ARHGAP44: variants seen among roughly 807,000 people sequenced by gnomAD.
The protein encoded by ARHGAP44 is rho GTPase-activating protein 44.
In ARHGAP44, 43 loss-of-function variants were observed where a neutral mutation model predicts 106.8. That is an observed-to-expected ratio of 0.40 (90% confidence interval 0.32 to 0.52). The LOEUF (loss-of-function observed/expected upper bound fraction) is 0.52. ARHGAP44 is among the 20% of genes least tolerant of loss of function. The pLI, the probability that ARHGAP44 is intolerant of heterozygous loss-of-function variation, is 0.48. For synonymous variants in ARHGAP44, 439 were observed against 410.3 expected (o/e 1.07, Z -0.85); for missense variants, 866 against 1,050.5 (o/e 0.82, Z 2.43).
At chr17:12,963,046 C>CAAAAAAA (rs71369355) in intron 16 of ARHGAP44, among the ~76,000 whole-genome samples, 13 of 70,950 alleles carry the variant, frequency 1.8e-4, no homozygotes, top group African/African-American at 2.6e-4. Context: ...AACACCATCT[C>CAAAAAAA]AAAAAAAAAA....
intron 3 of ARHGAP44, among the ~76,000 whole-genome samples, chr17:12,903,083 TGAGAGAGAGAGAGAGAGAGAGAGA>T (rs67363604): frequency 1.1e-4 from 8 of 70,112 alleles, no homozygotes; most frequent in Non-Finnish European, 1.9e-4. Context: ...AGGGAATATA[TGAGAGAGAGAGAGAGAGAGAGAGA>T]GAGAGAGAGA....
intron 1 of ARHGAP44, among the ~76,000 whole-genome samples, chr17:12,830,120 A>G (rs2035040816): frequency 6.6e-6 from 1 of 152,202 alleles, no homozygotes; most frequent in East Asian, 1.9e-4. Context: ...TTGGGATTGC[A>G]AGGGGATTGA....
chr17:12,952,086 T>C (rs749433737), intron 12 of ARHGAP44, among the ~76,000 whole-genome samples: 7 of 152,172 alleles, frequency 4.6e-5, no homozygotes, highest in Non-Finnish European at 1.0e-4. Flanking sequence ...CAGTGCAAGA[T>C]AGCCGGAAAC....
chr17:12,868,591 TTATATATATATATATATA>T (rs1209692482), intron 1 of ARHGAP44, among the ~76,000 whole-genome samples: 19 of 47,156 alleles, frequency 4.0e-4, no homozygotes, highest in Admixed American at 1.2e-3. Flanking sequence ...TATATGCATT[TTATATATATATATATATA>T]TATATATATA....
At chr17:12,885,631 C>G (rs1231587432) in intron 1 of ARHGAP44, among the ~76,000 whole-genome samples, 1 of 152,064 alleles carries the variant, frequency 6.6e-6, no homozygotes, top group East Asian at 1.9e-4. Context: ...GTTGAACCAT[C>G]TTTTCTGTGC....
At chr17:12,959,692 AG>A (rs757822726) in intron 16 of ARHGAP44, among the ~76,000 whole-genome samples, 13 of 152,196 alleles carry the variant, frequency 8.5e-5, no homozygotes, top group Non-Finnish European at 1.6e-4. Flanking sequence ...CTCTTACAGG[AG>A]GGGATCGTCT....
chr17:12,974,712 T>G (rs1015210210), intron 18 of ARHGAP44, among the ~76,000 whole-genome samples: 1 of 149,988 alleles, frequency 6.7e-6, no homozygotes, highest in Non-Finnish European at 1.5e-5. Flanking sequence ...TATACTGTTA[T>G]TTTTTCTTAT....
intron 1 of ARHGAP44, among the ~76,000 whole-genome samples, chr17:12,808,150 G>A (rs555045861): frequency 2.6e-5 from 4 of 152,336 alleles, no homozygotes; most frequent in Admixed American, 2.0e-4. Flanking sequence ...GGGCAGCTCC[G>A]CCCTTGTGGA....
At chr17:12,865,255 A>G (rs537253313) in intron 1 of ARHGAP44, among the ~76,000 whole-genome samples, 1 of 152,320 alleles carries the variant, frequency 6.6e-6, no homozygotes, top group African/African-American at 2.4e-5. Flanking sequence ...AAGACAATAG[A>G]ACAATATCTG....
chr17:12,964,645 G>A (rs747323280), intron 16 of ARHGAP44, among the ~76,000 whole-genome samples: 47 of 152,214 alleles, frequency 3.1e-4, no homozygotes, highest in East Asian at 1.9e-4. Flanking sequence ...TGAGCTGGGC[G>A]TGGTGGCAGA....
Position 12,980,040 on chromosome 17 carries a change from C to T in ARHGAP44, c.1764-18C>T, listed in dbSNP as rs9902675. 5,438 of 1,589,068 alleles carry T rather than the reference C, an allele frequency of 3.4e-3. 93 individuals carry two copies. The African/African-American group carries it at 0.039, about 11-fold the overall frequency. Reference sequence around the variant, plus strand: ...TGAGTTCAGGGCTTTTCTTTTGTCTCATGTGCTTTCGTTTCAGCACAACAA... The same window carrying T: ...TGAGTTCAGGGCTTTTCTTTTGTCTTATGTGCTTTCGTTTCAGCACAACAA... On this transcript the variant is annotated intron_variant, in intron 18 of 20. Coordinates refer to ENST00000379672, the MANE Select transcript of ARHGAP44 (RefSeq NM_014859.6).
chr17:12,987,055 G>C, intron 20 of ARHGAP44: 1 of 965,826 alleles, frequency 1.0e-6, no homozygotes, highest in Non-Finnish European at 1.4e-6. Context: ...TTCATGTTTT[G>C]TCGTGTTGAT....
chr17:12,858,850 G>C (rs753501199), intron 1 of ARHGAP44, among the ~76,000 whole-genome samples: 1 of 152,184 alleles, frequency 6.6e-6, no homozygotes, highest in African/African-American at 2.4e-5. Flanking sequence ...AGGCCTCACA[G>C]TCATGGTGGA....
chr17:12,855,521 AT>A, intron 1 of ARHGAP44, among the ~76,000 whole-genome samples: 1 of 81,528 alleles, frequency 1.2e-5, no homozygotes, highest in African/African-American at 5.4e-5. Flanking sequence ...TTTTTTCAGC[AT>A]TTTATTTTTT....
At chr17:12,892,725 T>G (rs1165135426) in intron 1 of ARHGAP44, among the ~76,000 whole-genome samples, 3 of 152,074 alleles carry the variant, frequency 2.0e-5, no homozygotes, top group Admixed American at 2.0e-4. Flanking sequence ...AAATTGCTGT[T>G]ATGCTTCCTC....
intron 1 of ARHGAP44, among the ~76,000 whole-genome samples, chr17:12,811,094 C>G (rs991166633): frequency 6.6e-6 from 1 of 151,956 alleles, no homozygotes; most frequent in Non-Finnish European, 1.5e-5. Flanking sequence ...GGGCGGATCA[C>G]GAGGTCAGGA....
intron 16 of ARHGAP44, among the ~76,000 whole-genome samples, chr17:12,960,590 T>C (rs983965304): frequency 7.9e-5 from 11 of 140,034 alleles, no homozygotes; most frequent in Non-Finnish European, 1.3e-4. Flanking sequence ...AAAGAGAGTC[T>C]CGCTCTGTCA....
intron 1 of ARHGAP44, among the ~76,000 whole-genome samples, chr17:12,820,172 A>C (rs1465044754): frequency 6.6e-6 from 1 of 152,122 alleles, no homozygotes; most frequent in Non-Finnish European, 1.5e-5. Flanking sequence ...TGACTCTGTC[A>C]CAAATCAGTT....
intron 1 of ARHGAP44, among the ~76,000 whole-genome samples, chr17:12,805,705 T>C (rs1291058637): frequency 2.6e-5 from 4 of 152,216 alleles, no homozygotes; most frequent in African/African-American, 4.8e-5. Context: ...TTAACTGGCA[T>C]AGCTTGGGTC....
Sources: allele counts gnomAD v4.1 joint callset (sites outside exome capture counted in the v4.1 genomes callset), GRCh38; gene constraint gnomAD v4.1.1; transcripts MANE v1.5; gene names NCBI Gene and HGNC (gene_info 2026-07-23, HGNC 2026-07-21).